Variants in ATF2 observed in about 807,000 individuals in gnomAD.
ATF2 encodes the protein activating transcription factor 2, also known as cyclic AMP-dependent transcription factor ATF-2.
Under a neutral mutation model 60.6 loss-of-function variants are expected in ATF2, and 24 were observed. The ratio of observed to expected loss-of-function variants is 0.40; its 90% confidence interval spans 0.29 to 0.56. The LOEUF is 0.56. Among genes scored for constraint, ATF2 ranks in the 20% least tolerant of loss-of-function variants. The pLI is 0.54. For synonymous variants in ATF2, 206 were observed against 215.4 expected (o/e 0.96, Z 0.38); for missense variants, 433 against 607.7 (o/e 0.71, Z 3.02).
intron 9 of ATF2, 54 bp downstream of exon 9, chr2:175,113,938 TTC>T: frequency 6.9e-7 from 1 of 1,441,384 alleles, no homozygotes; most frequent in Non-Finnish European, 9.6e-7. Flanking sequence ...CAACTTTATT[TTC>T]TGACTACAAA....
At chr2:175,157,929 T>C (rs1193686480) in intron 1 of ATF2, among the ~76,000 whole-genome samples, 2 of 151,612 alleles carry the variant, frequency 1.3e-5, no homozygotes, top group Admixed American at 1.3e-4. Context: ...GAGGCAGAGG[T>C]TGCAGTGAGC....
At chr2:175,102,839 A>C (rs2105630869) in intron 10 of ATF2, among the ~76,000 whole-genome samples, 1 of 151,734 alleles carries the variant, frequency 6.6e-6, no homozygotes, top group Admixed American at 6.5e-5. Flanking sequence ...TTTTAATTTA[A>C]AGTAAAGGTA....
At chr2:175,108,780 AT>A (rs1695948853) in intron 10 of ATF2, among the ~76,000 whole-genome samples, 1 of 139,248 alleles carries the variant, frequency 7.2e-6, no homozygotes, top group Admixed American at 7.1e-5. Context: ...TTGTTGCTGT[AT>A]CTGTGTAGAA....
At chr2:175,142,088 A>G (rs747672932) in intron 2 of ATF2, among the ~76,000 whole-genome samples, 5 of 152,152 alleles carry the variant, frequency 3.3e-5, no homozygotes, top group Admixed American at 6.5e-5. Flanking sequence ...TAATATAGAC[A>G]TAAGAGGATC....
chr2:175,160,065 T>G (rs537919357), intron 1 of ATF2, among the ~76,000 whole-genome samples: 1 of 152,276 alleles, frequency 6.6e-6, no homozygotes, highest in South Asian at 2.1e-4. Flanking sequence ...CAATAAAAAT[T>G]TCTCATTATG....
intron 12 of ATF2, chr2:175,092,543 C>T: frequency 2.3e-6 from 1 of 426,632 alleles, no homozygotes; most frequent in South Asian, 1.8e-5. Flanking sequence ...CATATTGTAC[C>T]TGGTCTGTGG....
Position 175,126,450 on chromosome 2 carries a change from TA to T in ATF2, c.102+3687del, listed in dbSNP as rs34493953. Among the ~76,000 whole-genome samples the T allele has an allele frequency of 7.0e-4, 107 of 152,268 alleles. 1 individual carries two copies. Among genetic ancestry groups the T allele is most frequent in the Admixed American group, 1.8e-3 (28 of 15,292 alleles). On this transcript the variant is annotated intron_variant, in intron 4 of 13. Coordinates refer to ENST00000264110, the MANE Select transcript of ATF2 (RefSeq NM_001880.4). The stretch of plus-strand genomic sequence containing the variant: ...AAAAATAAGAGTAATTATCAGACAT[TA>T]GGGGATAGGGAAGTGGAGGTAGAAA...
At chr2:175,136,015 GTT>G (rs34199956) in intron 3 of ATF2, among the ~76,000 whole-genome samples, 24 of 124,930 alleles carry the variant, frequency 1.9e-4, no homozygotes, top group African/African-American at 3.2e-4. Context: ...TTCTTTCTTT[GTT>G]TTTTTTTTTT....
At chr2:175,116,696 G>A (rs1273695149) in intron 7 of ATF2, among the ~76,000 whole-genome samples, 2 of 151,660 alleles carry the variant, frequency 1.3e-5, no homozygotes, top group East Asian at 3.9e-4. Context: ...GCTCAAGGAG[G>A]GCCTAATGAT....
intron 2 of ATF2, among the ~76,000 whole-genome samples, chr2:175,149,236 T>C (rs1007328599): frequency 2.0e-5 from 3 of 152,084 alleles, no homozygotes; most frequent in Admixed American, 6.5e-5. Flanking sequence ...GCTATGGCCC[T>C]GGGTCAAAGT....
chr2:175,163,672 G>GT (rs35443181), intron 1 of ATF2, among the ~76,000 whole-genome samples: 1 of 148,498 alleles, frequency 6.7e-6, no homozygotes, highest in Non-Finnish European at 1.5e-5. Context: ...GATGCTGGGT[G>GT]GTGGCTCATG....
At chr2:175,167,816 G>C in intron 1 of ATF2, 4 of 436,988 alleles carry the variant, frequency 9.2e-6, no homozygotes, top group Non-Finnish European at 9.8e-6. Flanking sequence ...ACGAACGCTG[G>C]TTACCTAACG....
At chr2:175,142,716 AGAGAGTGTGTGTGT>A (rs1321713855) in intron 2 of ATF2, among the ~76,000 whole-genome samples, 2 of 120,724 alleles carry the variant, frequency 1.7e-5, no homozygotes, top group South Asian at 3.1e-4. Context: ...AGAGAGAGAG[AGAGAGTGTGTGTGT>A]GTGTGTGTGT....
chr2:175,134,172 C>T (rs968109050), intron 3 of ATF2, among the ~76,000 whole-genome samples: 6 of 152,026 alleles, frequency 3.9e-5, no homozygotes, highest in Non-Finnish European at 7.4e-5. Context: ...TCATTATTAC[C>T]TAAACAATAT....
At chr2:175,092,536 A>G in intron 12 of ATF2, 1 of 412,290 alleles carries the variant, frequency 2.4e-6, no homozygotes, top group Admixed American at 3.3e-5. Flanking sequence ...CACTGGCCAT[A>G]TTGTACCTGG....
intron 2 of ATF2, among the ~76,000 whole-genome samples, chr2:175,149,872 G>A (rs1699192420): frequency 2.0e-5 from 3 of 151,958 alleles, no homozygotes; most frequent in Admixed American, 6.6e-5. Context: ...TAACTTCCGA[G>A]CTTCTTCCAT....
chr2:175,123,959 G>T (rs1697143038), intron 4 of ATF2, among the ~76,000 whole-genome samples: 2 of 152,020 alleles, frequency 1.3e-5, no homozygotes, highest in Non-Finnish European at 2.9e-5. Flanking sequence ...GTGTGAAAAG[G>T]CAATCTTGTG....
At chr2:175,131,039 CT>C (rs1697692269) in intron 3 of ATF2, among the ~76,000 whole-genome samples, 1 of 152,178 alleles carries the variant, frequency 6.6e-6, no homozygotes. Flanking sequence ...ACAGTAGTCA[CT>C]GCTTCATGTT....
Position 175,072,978 on chromosome 2 carries a change from C to G in ATF2, c.*1631G>C, listed in dbSNP as rs975736471. The G allele has an allele frequency of 3.9e-5, 6 of 152,126 alleles. No individual in the cohort carries two copies. The East Asian group carries it at 1.2e-3, about 29-fold the overall frequency. The allele number at this position is 152,126 out of a possible 1,614,324, so 9.4% of individuals were successfully genotyped here. A position where few individuals can be genotyped will look rare whatever the true frequency, so the allele number is the denominator to read the frequency against. ...CCATACAGACTTTTAAAATGTCAGT[C>G]TCATTAGGAGATGGCACTGAGACTT... On this transcript the variant is annotated 3_prime_UTR_variant, in exon 14 of 14. Transcript: ENST00000264110.
Sources: allele counts gnomAD v4.1 joint callset (sites outside exome capture counted in the v4.1 genomes callset), GRCh38; gene constraint gnomAD v4.1.1; transcripts MANE v1.5; gene names NCBI Gene and HGNC (gene_info 2026-07-23, HGNC 2026-07-21).